The following DNAJB6 variants were observed in gnomAD, a reference collection of about 807,000 sequenced individuals.
DNAJB6 encodes the protein DnaJ heat shock protein family (Hsp40) member B6, also known as dnaJ homolog subfamily B member 6.
DNAJB6 carries 16 observed loss-of-function variants against 42.7 expected under a neutral mutation model. The ratio of observed to expected loss-of-function variants is 0.37; its 90% CI spans 0.25 to 0.57. DNAJB6 has a LOEUF of 0.57. Among genes scored for constraint, DNAJB6 ranks in the 20% least tolerant of loss-of-function variants. DNAJB6 has a pLI of 0.74. For missense variants in DNAJB6, 347 were observed against 416.8 expected, an observed-to-expected ratio of 0.83 and a Z score of 1.46; for synonymous variants, 170 against 163.5, an observed-to-expected ratio of 1.04 and a Z score of -0.30.
intron 5 of DNAJB6, among the ~76,000 whole-genome samples, chr7:157,372,493 A>C (rs959420363): frequency 2.3e-4 from 35 of 152,310 alleles, no homozygotes; most frequent in African/African-American, 8.2e-4. Flanking sequence ...ATAAAGTGTC[A>C]AGGAGCTGCC....
intron 8 of DNAJB6, among the ~76,000 whole-genome samples, chr7:157,395,236 G>T (rs1042428610): frequency 2.6e-5 from 4 of 152,338 alleles, no homozygotes; most frequent in East Asian, 3.9e-4. Flanking sequence ...GCTGGGGGGG[G>T]GTTGGTGCTG....
intron 8 of DNAJB6, among the ~76,000 whole-genome samples, chr7:157,406,271 T>C (rs546066656): frequency 3.3e-5 from 5 of 152,252 alleles, no homozygotes; most frequent in Non-Finnish European, 7.3e-5. Flanking sequence ...CCCCAGGTGA[T>C]GCCAGGGAGA....
chr7:157,386,805 A>C (rs1801085670), intron 8 of DNAJB6, among the ~76,000 whole-genome samples: 1 of 150,400 alleles, frequency 6.6e-6, no homozygotes, highest in Non-Finnish European at 1.5e-5. Flanking sequence ...AATTGCTTGA[A>C]CCCGGGAGGT....
chr7:157,363,328 G>C, intron 3 of DNAJB6, 58 bp downstream of exon 3: 6 of 1,188,572 alleles, frequency 5.0e-6, no homozygotes, highest in Non-Finnish European at 6.2e-6. Flanking sequence ...TGCGGAGTGG[G>C]TGTTGGGATC....
chr7:157,357,284 T>TTCCG lies in DNAJB6; in HGVS notation c.-26-1259_-26-1256dup, dbSNP rs375925798. Among the ~76,000 whole-genome samples the TTCCG allele has an allele frequency of 5.2e-5, 3 of 57,816 alleles. 1 individual carries two copies. In the South Asian group the frequency reaches 1.4e-3, roughly 27 times the overall value. The allele number at this position is 57,816 out of a possible 152,430, so 37.9% of individuals were successfully genotyped here. ...CTTCCGTCCTTCCTTCCGTCCTTCC[T>TTCCG]TCCGTCCTTCCTTCCTTCCTTCCTT... On this transcript the variant is annotated intron_variant, in intron 1 of 9. Transcript: ENST00000262177.
intron 5 of DNAJB6, among the ~76,000 whole-genome samples, chr7:157,373,765 C>T (rs1346599868): frequency 2.6e-5 from 4 of 151,828 alleles, no homozygotes; most frequent in Non-Finnish European, 2.9e-5. Context: ...CATTACACGG[C>T]GCTACAGCAG....
Position 157,382,310 on chromosome 7 carries a change from G to C in DNAJB6, c.411G>C (p.Thr137=), listed in dbSNP as rs749714667. The change falls in exon 6 of 10, where the codon ACG becomes ACC. Residue 137 remains threonine, a synonymous_variant. Coordinates refer to ENST00000262177, the MANE Select transcript of DNAJB6 (RefSeq NM_058246.4). ...RGPRGSRSRG[T]GSFFSAFSGF... ...CCCGAGGAAGCAGAAGCCGAGGGACGGGGTCGTTTTTCTCTGCGTTCAGTG... is the reference window on the plus strand; with the variant it reads ...CCCGAGGAAGCAGAAGCCGAGGGACCGGGTCGTTTTTCTCTGCGTTCAGTG... 1.2e-6 allele frequency: 2 copies of C among 1,612,108 alleles called. No individual in the cohort carries two copies. The highest frequency in any genetic ancestry group is 4.5e-5 in the East Asian group (2 of 44,840).
At chr7:157,398,168 A>G (rs1283319871) in intron 8 of DNAJB6, among the ~76,000 whole-genome samples, 2 of 152,200 alleles carry the variant, frequency 1.3e-5, no homozygotes, top group Non-Finnish European at 2.9e-5. Context: ...CTGCCTTGCC[A>G]CATTGTTTGG....
intron 8 of DNAJB6, among the ~76,000 whole-genome samples, chr7:157,409,533 A>G (rs545534665): frequency 6.6e-5 from 10 of 152,368 alleles, no homozygotes; most frequent in African/African-American, 2.4e-4. Context: ...TGACTGTGCC[A>G]AAGCTGGTGG....
At chr7:157,387,038 G>A (rs777226699) in intron 8 of DNAJB6, among the ~76,000 whole-genome samples, 2 of 152,180 alleles carry the variant, frequency 1.3e-5, no homozygotes, top group Admixed American at 6.5e-5. Context: ...ACTAAACAGC[G>A]TGAAAACCGC....
chr7:157,397,357 G>A (rs1801640635), intron 8 of DNAJB6, among the ~76,000 whole-genome samples: 1 of 152,328 alleles, frequency 6.6e-6, no homozygotes, highest in South Asian at 2.1e-4. Flanking sequence ...CAGGGAGAGG[G>A]GGTGCGGGTG....
At chr7:157,341,572 G>C (rs1798383850) in intron 1 of DNAJB6, among the ~76,000 whole-genome samples, 1 of 152,236 alleles carries the variant, frequency 6.6e-6, no homozygotes, top group Middle Eastern at 3.4e-3. Context: ...TTTTATATTT[G>C]TGTTGTGCAT....
chr7:157,366,483 C>A lies in DNAJB6; in HGVS notation c.176-19C>A, dbSNP rs776252245. 1.2e-6 allele frequency: 2 copies of A among 1,613,378 alleles called. No homozygotes were observed. The highest frequency in any genetic ancestry group is 1.7e-5 in the Admixed American group (1 of 59,964). On this transcript the variant is annotated intron_variant, in intron 3 of 9. Transcript: ENST00000262177. Reference sequence around the variant, plus strand: ...TTTAAAAGGAACTTGGCCTTACCGACTTTTCTTTCAATTTTTAGCTAAGAA... The same window carrying A: ...TTTAAAAGGAACTTGGCCTTACCGAATTTTCTTTCAATTTTTAGCTAAGAA...
intron 8 of DNAJB6, among the ~76,000 whole-genome samples, chr7:157,402,807 C>T (rs947757422): frequency 2.6e-5 from 4 of 152,194 alleles, no homozygotes; most frequent in Admixed American, 6.5e-5. Context: ...CAGGGTAAAC[C>T]GGAACGTTGT....
chr7:157,406,581 G>A (rs1299190401), intron 8 of DNAJB6, among the ~76,000 whole-genome samples: 1 of 152,230 alleles, frequency 6.6e-6, no homozygotes, highest in Non-Finnish European at 1.5e-5. Flanking sequence ...GAGCTGTGCA[G>A]GAGAGGATGG....
At chr7:157,411,494 G>A (rs531526044) in intron 9 of DNAJB6, 188 of 152,972 alleles carry the variant, frequency 1.2e-3, no homozygotes, top group Non-Finnish European at 1.6e-3. Context: ...TCTGTTGTGC[G>A]CTCCTGGTAC....
chr7:157,379,715 CCTCCAG>C (rs1800654252), intron 5 of DNAJB6: 1 of 152,196 alleles, frequency 6.6e-6, no homozygotes, highest in Non-Finnish European at 1.5e-5. Context: ...GAACCCCTGA[CCTCCAG>C]GGATCTCTCC....
intron 8 of DNAJB6, among the ~76,000 whole-genome samples, chr7:157,401,849 C>G (rs1795532058): frequency 6.6e-6 from 1 of 152,236 alleles, no homozygotes; most frequent in South Asian, 2.1e-4. Context: ...ACGCGCCCTT[C>G]CCAGACCTGT....
intron 1 of DNAJB6, among the ~76,000 whole-genome samples, chr7:157,350,814 C>T (rs1048502810): frequency 1.3e-4 from 19 of 150,228 alleles, no homozygotes; most frequent in East Asian, 3.9e-4. Flanking sequence ...CTCAGCCTCC[C>T]GAGTCTTAGC....
Sources: allele counts gnomAD v4.1 joint callset (sites outside exome capture counted in the v4.1 genomes callset), GRCh38; gene constraint gnomAD v4.1.1; transcripts MANE v1.5; gene names NCBI Gene and HGNC (gene_info 2026-07-23, HGNC 2026-07-21).